Variants in SLC2A1 observed in about 807,000 individuals in gnomAD.
The protein encoded by SLC2A1 is solute carrier family 2, facilitated glucose transporter member 1.
A neutral mutation model predicts 46.6 loss-of-function variants in SLC2A1; 4 were observed. The ratio of observed to expected loss-of-function variants is 0.09; its 90% CI spans 0.04 to 0.20. SLC2A1 has a LOEUF of 0.20. SLC2A1 is among the 10% of genes least tolerant of loss of function. The probability of loss-of-function intolerance (pLI) is 1.00; values close to 1 mark genes in which losing one functional copy is unlikely to be tolerated. For synonymous variants in SLC2A1, 253 were observed against 270.0 expected (o/e 0.94, Z 0.62); for missense variants, 352 against 667.0 (o/e 0.53, Z 5.20).
chr1:42,927,959 C>G lies in SLC2A1; in HGVS notation c.1075-151G>C. The stretch of plus-strand genomic sequence containing the variant: ...ATTTGTTGTGTATCCAGCATTGGGC[C>G]TAAGTTTCCTCATCCGAACAAAATG... On this transcript the variant is annotated intron_variant, in intron 8 of 9. Coordinates refer to ENST00000426263, the MANE Select transcript of SLC2A1 (RefSeq NM_006516.4). The surrounding 1 kb of genome is among the most constrained non-coding windows in gnomAD (Gnocchi z 5.3). 1.4e-6 allele frequency: 1 copy of G among 713,548 alleles called. No homozygotes were observed. The highest frequency in any genetic ancestry group is 2.0e-5 in the Admixed American group (1 of 49,252). The allele number at this position is 713,548 out of a possible 1,614,324, so 44.2% of individuals were successfully genotyped here.
chr1:42,958,342 G>C (rs1470101040), intron 1 of SLC2A1, among the ~76,000 whole-genome samples: 2 of 151,108 alleles, frequency 1.3e-5, no homozygotes, highest in Non-Finnish European at 3.0e-5. Context: ...AGCCCCAGCA[G>C]GGCCGCGTGG....
Position 42,927,817 on chromosome 1 carries a change from G to GATGAC in SLC2A1, c.1075-14_1075-10dup. Reference sequence around the variant, plus strand: ...ATCCAGGGTAGCTGCTCCTGTTGAGGATGACGGAGAGGGGGAAAAGTTAGA... The same window carrying GATGAC: ...ATCCAGGGTAGCTGCTCCTGTTGAGGATGACATGACGGAGAGGGGGAAAAGTTAGA... On this transcript the variant is annotated splice_polypyrimidine_tract_variant and intron_variant, in intron 8 of 9. Coordinates refer to ENST00000426263, the MANE Select transcript of SLC2A1 (RefSeq NM_006516.4). This position sits in a 1 kb window ranked among gnomAD's most constrained non-coding sequence, Gnocchi z 5.3. 1.2e-6 allele frequency: 2 copies of GATGAC among 1,606,562 alleles called. No individual in the cohort carries two copies. The highest frequency in any genetic ancestry group is 3.4e-5 in the Admixed American group (2 of 58,998).
chr1:42,946,975 TA>T (rs1487282728), intron 1 of SLC2A1, among the ~76,000 whole-genome samples: 2 of 152,168 alleles, frequency 1.3e-5, no homozygotes, highest in Admixed American at 6.5e-5. Context: ...GTTCCTTCCT[TA>T]AAGGGTTGCT....
chr1:42,948,042 A>C (rs1357398377), intron 1 of SLC2A1, among the ~76,000 whole-genome samples: 12 of 152,276 alleles, frequency 7.9e-5, no homozygotes, highest in African/African-American at 2.9e-4. Flanking sequence ...TAGGAGAGTC[A>C]TGGCCTCCCA....
chr1:42,940,096 A>G (rs142489975), intron 2 of SLC2A1, among the ~76,000 whole-genome samples: 2 of 151,752 alleles, frequency 1.3e-5, no homozygotes, highest in African/African-American at 4.8e-5. Flanking sequence ...TCCTTCCAAC[A>G]TGTTTAAAAA....
rs1048775050 is a variant in SLC2A1, at chr1:42,958,295, T to C, written c.18+339A>G. ...CGAGGCTGGGCTGCTGCTGCCGAGG[T>C]CGTGTGCGACGTGCCGCTCCCGGGC... On this transcript the variant is annotated intron_variant, in intron 1 of 9. Coordinates refer to ENST00000426263, the MANE Select transcript of SLC2A1 (RefSeq NM_006516.4). Among the ~76,000 whole-genome samples the C allele has an allele frequency of 4.0e-5, 6 of 150,942 alleles. No homozygotes were observed. The East Asian group carries it at 1.2e-3, about 30-fold the overall frequency.
At chr1:42,951,281 T>C (rs1315598837) in intron 1 of SLC2A1, among the ~76,000 whole-genome samples, 3 of 152,256 alleles carry the variant, frequency 2.0e-5, no homozygotes, top group East Asian at 3.9e-4. Flanking sequence ...TATGCAGCTA[T>C]TGGAAAGAAT....
chr1:42,927,850 G>T lies in SLC2A1; in HGVS notation c.1075-42C>A. 8 of 1,462,362 alleles carry T rather than the reference G, an allele frequency of 5.5e-6. No homozygotes were observed. Among genetic ancestry groups the T allele is most frequent in the Non-Finnish European group, 7.6e-6 (8 of 1,056,692 alleles). 90.6% of individuals were successfully genotyped at this position (1,462,362 alleles called of 1,614,324 possible). A position where few individuals can be genotyped will look rare whatever the true frequency, so the allele number is the denominator to read the frequency against. On this transcript the variant is annotated intron_variant, in intron 8 of 9. Transcript: ENST00000426263. This position sits in a 1 kb window ranked among gnomAD's most constrained non-coding sequence, Gnocchi z 5.3. Reference sequence around the variant, plus strand: ...AGAGGGGGAAAAGTTAGACTGGGTTGTGATGGATCCTCAGGGGAAACAGAA... The same window carrying T: ...AGAGGGGGAAAAGTTAGACTGGGTTTTGATGGATCCTCAGGGGAAACAGAA...
rs1203051576 is a variant in SLC2A1 at position 42,947,792 on chromosome 1, CCAAA to C, written c.19-4475_19-4472del. ...AGTAGGGAACAGCACATGCTAATTG[CCAAA>C]CAAAGAAACCTGCCACTTTTCAATT... On this transcript the variant is annotated intron_variant, in intron 1 of 9. Coordinates refer to ENST00000426263, the MANE Select transcript of SLC2A1 (RefSeq NM_006516.4). Among the ~76,000 whole-genome samples the C allele has an allele frequency of 7.2e-5, 11 of 152,240 alleles. No individual in the cohort carries two copies. The East Asian group carries it at 9.7e-4, about 13-fold the overall frequency.
At chr1:42,948,675 T>G (rs1643683718) in intron 1 of SLC2A1, among the ~76,000 whole-genome samples, 1 of 152,056 alleles carries the variant, frequency 6.6e-6, no homozygotes. Flanking sequence ...ACACCTATAA[T>G]CCCAGCACTC....
rs779971891 is a variant in SLC2A1 at position 42,954,586 on chromosome 1, T to G, written c.18+4048A>C. ...TCAAATCTTTTGTGATAGCCTTATC[T>G]CGGACAAATCTCTTCCCTTCTCTGG... On this transcript the variant is annotated intron_variant, in intron 1 of 9. Coordinates refer to ENST00000426263, the MANE Select transcript of SLC2A1 (RefSeq NM_006516.4). The surrounding 1 kb of genome is among the most constrained non-coding windows in gnomAD (Gnocchi z 4.2). Among the ~76,000 whole-genome samples the G allele has an allele frequency of 1.6e-4, 24 of 152,182 alleles. No homozygotes were observed. Among genetic ancestry groups the G allele is most frequent in the Admixed American group, 2.6e-4 (4 of 15,276 alleles).
chr1:42,927,316 T>C lies in SLC2A1; in HGVS notation c.1279-75A>G. On this transcript the variant is annotated intron_variant, in intron 9 of 9. Coordinates refer to ENST00000426263, the MANE Select transcript of SLC2A1 (RefSeq NM_006516.4). This position sits in a 1 kb window ranked among gnomAD's most constrained non-coding sequence, Gnocchi z 5.3. Reference sequence around the variant, plus strand: ...GCTGTAGGACTTTGGATAAGTCACTTTACCTTTGGGCCTTTGAGCTGAAAA... The same window carrying C: ...GCTGTAGGACTTTGGATAAGTCACTCTACCTTTGGGCCTTTGAGCTGAAAA... 7.1e-7 allele frequency: 1 copy of C among 1,412,832 alleles called. No homozygotes were observed. 87.5% of individuals were successfully genotyped at this position (1,412,832 alleles called of 1,614,324 possible). A position where few individuals can be genotyped will look rare whatever the true frequency, so the allele number is the denominator to read the frequency against.
intron 1 of SLC2A1, among the ~76,000 whole-genome samples, chr1:42,946,344 C>G (rs542500428): frequency 6.6e-6 from 1 of 152,288 alleles, no homozygotes; most frequent in African/African-American, 2.4e-5. Flanking sequence ...GACCCATGCT[C>G]TAGGTCTCAT....
At chr1:42,938,173 T>C (rs1003320929) in intron 2 of SLC2A1, among the ~76,000 whole-genome samples, 2 of 152,158 alleles carry the variant, frequency 1.3e-5, no homozygotes, top group Non-Finnish European at 2.9e-5. Flanking sequence ...CCCAGTATGA[T>C]GGTCAGGATT....
chr1:42,944,391 T>C (rs972753894), intron 1 of SLC2A1, among the ~76,000 whole-genome samples: 2 of 152,106 alleles, frequency 1.3e-5, no homozygotes, highest in Non-Finnish European at 2.9e-5. Flanking sequence ...CTTTAACTGA[T>C]TGTGGGAGAA....
rs1219933963 is a variant in SLC2A1 at position 42,943,158 on chromosome 1, CTG to C, written c.114+66_114+67del. ...CTCTAATTCAGGTGGTGGCGTGAGA[CTG>C]TGGGCATGTGTGATGTGCAACAGAG... On this transcript the variant is annotated intron_variant, in intron 2 of 9. Coordinates refer to ENST00000426263, the MANE Select transcript of SLC2A1 (RefSeq NM_006516.4). 4.9e-6 allele frequency: 5 copies of C among 1,024,814 alleles called. No individual in the cohort carries two copies. In the East Asian group the frequency reaches 1.2e-4, roughly 25 times the overall value. 63.5% of individuals were successfully genotyped at this position (1,024,814 alleles called of 1,614,324 possible).
In SLC2A1 at chr1:42,932,131, G is replaced by A. The variant is rs74876471; in HGVS notation, c.115-925C>T. 3.5e-3 allele frequency among the ~76,000 whole-genome samples: 529 copies of A among 152,210 alleles called. 4 individuals are homozygous for A. Among genetic ancestry groups the A allele is most frequent in the East Asian group, 0.019 (100 of 5,166 alleles). The stretch of plus-strand genomic sequence containing the variant: ...CCTAGCTCCCTTGTGTCTGGCCTGC[G>A]AGCACCCCCTTGAAGGACCCACGGC... On this transcript the variant is annotated intron_variant, in intron 2 of 9. Transcript: ENST00000426263.
intron 2 of SLC2A1, among the ~76,000 whole-genome samples, chr1:42,932,114 C>T (rs1168281685): frequency 6.6e-6 from 1 of 152,192 alleles, no homozygotes; most frequent in Non-Finnish European, 1.5e-5. Context: ...GGCCTAGCTC[C>T]CTTGTGTCTG....
In SLC2A1 at chr1:42,927,046, C is replaced by A. The variant is rs754985269; in HGVS notation, c.1474G>T (p.Val492Leu). ...LFHPLGADSQ[V>L] ...GGCTGGTGATCTGGGGCGACTCACA[C>A]TTGGGAATCAGCCCCCAGGGGATGG... is the stretch of plus-strand genomic sequence containing the variant. Residue 492 changes from valine (V) to leucine (L), a missense_variant, in exon 10 of 10, where the codon GTG becomes TTG. By Grantham distance (32) the Val-to-Leu change is conservative. Transcript: ENST00000426263. This position sits in a 1 kb window ranked among gnomAD's most constrained non-coding sequence, Gnocchi z 5.3. 1 of 1,613,618 alleles carries A rather than the reference C, an allele frequency of 6.2e-7. No individual in the cohort carries two copies. The highest frequency in any genetic ancestry group is 8.5e-7 in the Non-Finnish European group (1 of 1,179,650).
Sources: allele counts gnomAD v4.1 joint callset (sites outside exome capture counted in the v4.1 genomes callset), GRCh38; gene constraint gnomAD v4.1.1; non-coding constraint Gnocchi (gnomAD v3.1); transcripts MANE v1.5; gene names NCBI Gene and HGNC (gene_info 2026-07-23, HGNC 2026-07-21).